TCF4: variants seen among roughly 807,000 people sequenced by gnomAD.
The protein encoded by TCF4 is SL3-3 enhancer factor 2.
TCF4 carries 3 observed loss-of-function variants against 82.1 expected under a neutral mutation model. The ratio of observed to expected loss-of-function variants is 0.04; its 90% CI spans 0.02 to 0.09. The LOEUF (loss-of-function observed/expected upper bound fraction) is 0.09, where lower values mean the gene tolerates loss of function less well. TCF4 is among the 10% of genes least tolerant of loss of function. The pLI is 1.00. For synonymous variants in TCF4, 276 were observed against 309.6 expected (o/e 0.89, Z 1.14); for missense variants, 518 against 852.7 (o/e 0.61, Z 4.89).
intron 5 of TCF4, among the ~76,000 whole-genome samples, chr18:55,407,759 T>C (rs1166299669): frequency 6.6e-6 from 1 of 152,160 alleles, no homozygotes; most frequent in Non-Finnish European, 1.5e-5. Flanking sequence ...GGTGATATGG[T>C]TAACAAATGT....
At position 55,538,026 on chromosome 18, in the gene TCF4, G is replaced by GCACACACACACA. The variant is rs57686777; in HGVS notation, c.145+47242_145+47253dup. 2.6e-3 allele frequency among the ~76,000 whole-genome samples: 343 copies of GCACACACACACA among 131,560 alleles called. 3 individuals carry two copies. Among genetic ancestry groups the GCACACACACACA allele is most frequent in the African/African-American group, 6.0e-3 (224 of 37,340 alleles). The allele number at this position is 131,560 out of a possible 152,430, so 86.3% of individuals were successfully genotyped here. A position where few individuals can be genotyped will look rare whatever the true frequency, so the allele number is the denominator to read the frequency against. Reference sequence around the variant, plus strand: ...CTGGATTTTGCTAGTCTGCGCGCGCGCACACACACACACACACACACACAC... The same window carrying GCACACACACACA: ...CTGGATTTTGCTAGTCTGCGCGCGCGCACACACACACACACACACACACACACACACACACAC... On this transcript the variant is annotated intron_variant, in intron 3 of 19. Transcript: ENST00000354452.
intron 8 of TCF4, among the ~76,000 whole-genome samples, chr18:55,339,520 T>C (rs2079365506): frequency 6.6e-6 from 1 of 152,178 alleles, no homozygotes; most frequent in African/African-American, 2.4e-5. Context: ...GAAGCATCAG[T>C]CCCTGTTCAG....
intron 8 of TCF4, among the ~76,000 whole-genome samples, chr18:55,340,181 C>T (rs1452248947): frequency 6.6e-6 from 1 of 152,178 alleles, no homozygotes; most frequent in Non-Finnish European, 1.5e-5. Flanking sequence ...ATCTCCTTAT[C>T]ACTTAGAGGC....
chr18:55,343,211 T>C (rs758485556), intron 8 of TCF4, among the ~76,000 whole-genome samples: 2 of 152,158 alleles, frequency 1.3e-5, no homozygotes, highest in African/African-American at 2.4e-5. Context: ...TGGCTCCATG[T>C]TTCACAAAGG....
intron 3 of TCF4, among the ~76,000 whole-genome samples, chr18:55,542,929 T>C (rs369951295): frequency 6.6e-6 from 1 of 152,226 alleles, no homozygotes; most frequent in East Asian, 1.9e-4. Context: ...CATTTGTCTG[T>C]TGATGATATG....
chr18:55,322,407 G>C, intron 8 of TCF4: 1 of 972,902 alleles, frequency 1.0e-6, no homozygotes, highest in Non-Finnish European at 1.2e-6. Flanking sequence ...GGAGAAAGGG[G>C]AGGGAAAGGG....
rs747499365 is a variant in TCF4, at chr18:55,635,667, C to T, written c.195+36G>A. ...AGATCATTTTTGGTTTCAGTTTCTA[C>T]TAAGATGCTAAAGTAGCCCAAATGC... is the stretch of plus-strand genomic sequence containing the variant. On this transcript the variant is annotated intron_variant, in intron 1 of 20. Coordinates refer to the TCF4 transcript ENST00000398339. The T allele has an allele frequency of 5.2e-6, 8 of 1,530,888 alleles. No homozygotes were observed. The South Asian group carries it at 7.4e-5, about 14-fold the overall frequency. The allele number at this position is 1,530,888 out of a possible 1,614,324, so 94.8% of individuals were successfully genotyped here.
intron 6 of TCF4, chr18:55,401,978 A>G: frequency 1.0e-6 from 1 of 954,614 alleles, no homozygotes; most frequent in Non-Finnish European, 1.2e-6. Flanking sequence ...TTCTGCAGGA[A>G]CTGAGAGCTT....
chr18:55,370,048 G>A (rs2088520625), intron 6 of TCF4, among the ~76,000 whole-genome samples: 1 of 152,190 alleles, frequency 6.6e-6, no homozygotes, highest in Non-Finnish European at 1.5e-5. Flanking sequence ...ATAGCTGGAA[G>A]GCTGCAATAG....
Position 55,505,094 on chromosome 18 carries a change from C to T in TCF4, c.146-40957G>A, listed in dbSNP as rs530781454. ...AGGTTATTGGCATTTTTTTCCACCT[C>T]ACCATTCCCTAGGAGAATAAGCCTG... On this transcript the variant is annotated intron_variant, in intron 3 of 19. Coordinates refer to ENST00000354452, the MANE Select transcript of TCF4 (RefSeq NM_001083962.2). 5.9e-5 allele frequency among the ~76,000 whole-genome samples: 9 copies of T among 152,278 alleles called. No individual in the cohort carries two copies. The East Asian group carries it at 1.5e-3, about 26-fold the overall frequency.
At chr18:55,497,322 T>C (rs2096648343) in intron 3 of TCF4, among the ~76,000 whole-genome samples, 1 of 152,176 alleles carries the variant, frequency 6.6e-6, no homozygotes, top group Non-Finnish European at 1.5e-5. Context: ...TTGAATAAGA[T>C]ATATTTATGC....
intron 3 of TCF4, among the ~76,000 whole-genome samples, chr18:55,498,894 CT>C (rs1344748524): frequency 1.3e-5 from 2 of 152,116 alleles, no homozygotes; most frequent in Non-Finnish European, 2.9e-5. Flanking sequence ...GTAAGTACCC[CT>C]TAAAATACCC....
intron 3 of TCF4, among the ~76,000 whole-genome samples, chr18:55,582,830 G>A (rs952850511): frequency 2.6e-5 from 4 of 152,066 alleles, no homozygotes; most frequent in African/African-American, 9.7e-5. Flanking sequence ...ATCCATGAAA[G>A]GGACATCTGA....
At chr18:55,622,317 C>G (rs74368211) in intron 2 of TCF4, among the ~76,000 whole-genome samples, 3 of 150,420 alleles carry the variant, frequency 2.0e-5, no homozygotes, top group Non-Finnish European at 4.4e-5. Flanking sequence ...GACCATCCTG[C>G]CCAACAGGGT....
At chr18:55,324,615 A>T (rs2076245104) in intron 8 of TCF4, among the ~76,000 whole-genome samples, 1 of 152,122 alleles carries the variant, frequency 6.6e-6, no homozygotes, top group South Asian at 2.1e-4. Flanking sequence ...CAGTTTTCAC[A>T]GTAGTGTATA....
intron 6 of TCF4, among the ~76,000 whole-genome samples, chr18:55,389,313 C>T (rs952161335): frequency 1.3e-5 from 2 of 152,126 alleles, no homozygotes; most frequent in Admixed American, 1.3e-4. Context: ...TTCCTGGGTG[C>T]CCCTGTTAGA....
chr18:55,468,845 T>C (rs2096092454), intron 3 of TCF4, among the ~76,000 whole-genome samples: 1 of 150,788 alleles, frequency 6.6e-6, no homozygotes, highest in Non-Finnish European at 1.5e-5. Context: ...AATGAAAAAC[T>C]GCCTGGGATG....
intron 3 of TCF4, among the ~76,000 whole-genome samples, chr18:55,566,414 C>T (rs2097407182): frequency 6.6e-6 from 1 of 151,254 alleles, no homozygotes; most frequent in South Asian, 2.1e-4. Context: ...GTACTTGTAC[C>T]CTATAAATTT....
intron 8 of TCF4, among the ~76,000 whole-genome samples, chr18:55,286,383 C>T (rs1325653368): frequency 6.6e-6 from 1 of 151,186 alleles, no homozygotes; most frequent in African/African-American, 2.4e-5. Context: ...CTCTTGGCGT[C>T]ATCTTTTTAA....
Sources: allele counts gnomAD v4.1 joint callset (sites outside exome capture counted in the v4.1 genomes callset), GRCh38; gene constraint gnomAD v4.1.1; transcripts MANE v1.5; gene names NCBI Gene and HGNC (gene_info 2026-07-23, HGNC 2026-07-21).